Variants in OR4X2 observed in about 807,000 individuals in gnomAD.
OR4X2 encodes olfactory receptor family 4 subfamily X member 2.
For missense variants in OR4X2, 554 were observed against 359.5 expected, an observed-to-expected ratio of 1.54 and a Z score of -4.38; for synonymous variants, 205 against 136.6, an observed-to-expected ratio of 1.50 and a Z score of -3.49.
Position 48,245,929 on chromosome 11 carries a change from C to A in OR4X2, c.826C>A (p.Pro276Thr). The A allele has an allele frequency of 1.2e-6, 2 of 1,614,058 alleles. No homozygotes were observed. The highest frequency in any genetic ancestry group is 1.3e-5 in the African/African-American group (1 of 75,022). The change falls in exon 1 of 1, where the codon CCT (proline) becomes ACT (threonine). Residue 276 changes from proline to threonine, a missense_variant. Coordinates refer to ENST00000624868, the MANE Select transcript of OR4X2 (RefSeq NM_001004727.1). ...CACAGTGATAACCGCGATCCTGAAC[C>A]CTGTCATCTACTCTCTGAGAAATGC... ...FYTVITAILN[P>T]VIYSLRNAEM...
At position 48,245,732 on chromosome 11, in the gene OR4X2, A is replaced by G; in HGVS notation, c.629A>G (p.Tyr210Cys). 1.2e-6 allele frequency: 2 copies of G among 1,613,958 alleles called. No individual in the cohort carries two copies. Among genetic ancestry groups the G allele is most frequent in the Non-Finnish European group, 1.7e-6 (2 of 1,179,992 alleles). Reference protein sequence around the residue: ...VISFGVLLASYMVILLHLRTW... With the variant: ...VISFGVLLASCMVILLHLRTW... Reference sequence around the variant, plus strand: ...AGTTTTGGGGTCCTCTTAGCATCCTATATGGTCATCTTGCTCCATCTGAGA... The same window carrying G: ...AGTTTTGGGGTCCTCTTAGCATCCTGTATGGTCATCTTGCTCCATCTGAGA... Residue 210 changes from tyrosine to cysteine, a missense_variant, in exon 1 of 1, where the codon TAT becomes TGT. Coordinates refer to ENST00000624868, the MANE Select transcript of OR4X2 (RefSeq NM_001004727.1).
chr11:48,245,688 A>G lies in OR4X2; in HGVS notation c.585A>G (p.Gly195=), dbSNP rs1435864959. The change falls in exon 1 of 1, where the codon GGA becomes GGG. Residue 195 remains glycine (G), a synonymous_variant. Coordinates refer to ENST00000624868, the MANE Select transcript of OR4X2 (RefSeq NM_001004727.1). Reference sequence around the variant, plus strand: ...TTGGTCTGCTGATTGTTGCCAATGGAGGCACCCTGTCTGTGATCAGTTTTG... The same window carrying G: ...TTGGTCTGCTGATTGTTGCCAATGGGGGCACCCTGTCTGTGATCAGTTTTG... ...FLIGLLIVAN[G]GTLSVISFGV... 1 of 1,614,018 alleles carries G rather than the reference A, an allele frequency of 6.2e-7. No individual in the cohort carries two copies. The highest frequency in any genetic ancestry group is 1.7e-5 in the Admixed American group (1 of 60,010).
At position 48,245,645 on chromosome 11, in the gene OR4X2, G is replaced by T. The variant is rs771332756; in HGVS notation, c.542G>T (p.Cys181Phe). Residue 181 changes from cysteine (C) to phenylalanine (F), a missense_variant, in exon 1 of 1, where the codon TGC becomes TTC. By Grantham distance (205) the Cys-to-Phe change is radical (BLOSUM62 -2). Transcript: ENST00000624868. ...CTAGTTCCCCTTCTCAAACTTGCCTGCTCTGACACCTTCCTCATTGGTCTG... is the reference window on the plus strand; with the variant it reads ...CTAGTTCCCCTTCTCAAACTTGCCTTCTCTGACACCTTCCTCATTGGTCTG... ...CDLVPLLKLACSDTFLIGLLI... is the reference protein window; with the variant it reads ...CDLVPLLKLAFSDTFLIGLLI... The T allele has an allele frequency of 5.6e-6, 9 of 1,613,998 alleles. No homozygotes were observed. The highest frequency in any genetic ancestry group is 1.7e-5 in the Admixed American group (1 of 59,996).
chr11:48,245,221 A>G lies in OR4X2; in HGVS notation c.118A>G (p.Thr40Ala). 2 of 1,614,086 alleles carry G rather than the reference A, an allele frequency of 1.2e-6. No individual in the cohort carries two copies. The highest frequency in any genetic ancestry group is 1.7e-6 in the Non-Finnish European group (2 of 1,180,006). Residue 40 changes from threonine to alanine, a missense_variant, in exon 1 of 1, where the codon ACT becomes GCT. Thr to Ala is a moderately conservative substitution (Grantham distance 58). Transcript: ENST00000624868. The part of the protein sequence containing the change: ...IVLGNFLIVL[T>A]VMTSRSLGSP... ...GCTGGGGAATTTCCTCATTGTGCTC[A>G]CTGTCATGACCAGCAGAAGCCTTGG... is the stretch of plus-strand genomic sequence containing the variant.
At position 48,245,156 on chromosome 11, in the gene OR4X2, T is replaced by A. The variant is rs917208520; in HGVS notation, c.53T>A (p.Val18Asp). The change falls in exon 1 of 1, where the codon GTT becomes GAT. Residue 18 changes from valine (V) to aspartate (D), a missense_variant. Physicochemically the swap from Val to Asp is radical, Grantham distance 152. Transcript: ENST00000624868. The part of the protein sequence containing the change: ...VLSPNQEVQR[V>D]CFVIFLFLYT... ...TCTCCCAACCAGGAGGTGCAGAGGGTTTGCTTTGTGATATTTCTGTTCTTG... is the reference window on the plus strand; with the variant it reads ...TCTCCCAACCAGGAGGTGCAGAGGGATTGCTTTGTGATATTTCTGTTCTTG... 2 of 1,614,096 alleles carry A rather than the reference T, an allele frequency of 1.2e-6. No individual in the cohort carries two copies. Among genetic ancestry groups the A allele is most frequent in the South Asian group, 2.2e-5 (2 of 91,070 alleles).
Position 48,245,152 on chromosome 11 carries a change from A to G in OR4X2, c.49A>G (p.Arg17Gly). 6.2e-7 allele frequency: 1 copy of G among 1,614,072 alleles called. No homozygotes were observed. ...ACTTTCTCCCAACCAGGAGGTGCAG[A>G]GGGTTTGCTTTGTGATATTTCTGTT... ...LVLSPNQEVQRVCFVIFLFLY... is the reference protein window; with the variant it reads ...LVLSPNQEVQGVCFVIFLFLY... Residue 17 changes from arginine (R) to glycine (G), a missense_variant, in exon 1 of 1, where the codon AGG (arginine) becomes GGG (glycine). Coordinates refer to ENST00000624868, the MANE Select transcript of OR4X2 (RefSeq NM_001004727.1).
In OR4X2 at chr11:48,245,890, G is replaced by T. The variant is rs137858399; in HGVS notation, c.787G>T (p.Val263Leu). The T allele has an allele frequency of 1.3e-3, 2,072 of 1,614,118 alleles. 3 individuals carry two copies. The highest frequency in any genetic ancestry group is 1.5e-3 in the Non-Finnish European group (1,801 of 1,180,014). ...TACCACTCTGCCCATAGACAAGATG[G>T]TGGCTGTGTTCTACACAGTGATAAC... ...PSTTLPIDKM[V>L]AVFYTVITAI... is the part of the protein sequence containing the mutation. The change falls in exon 1 of 1, where the codon GTG (valine) becomes TTG (leucine). Residue 263 changes from valine to leucine, a missense_variant. Val to Leu is a conservative substitution (Grantham distance 32, BLOSUM62 1). Coordinates refer to ENST00000624868, the MANE Select transcript of OR4X2 (RefSeq NM_001004727.1).
At position 48,245,650 on chromosome 11, in the gene OR4X2, G is replaced by A; in HGVS notation, c.547G>A (p.Asp183Asn). 1 of 1,614,072 alleles carries A rather than the reference G, an allele frequency of 6.2e-7. No homozygotes were observed. The change falls in exon 1 of 1, where the codon GAC (aspartate) becomes AAC (asparagine). Residue 183 changes from aspartate (D) to asparagine (N), a missense_variant. Coordinates refer to ENST00000624868, the MANE Select transcript of OR4X2 (RefSeq NM_001004727.1). The part of the protein sequence containing the change: ...LVPLLKLACS[D>N]TFLIGLLIVA... ...TCCCCTTCTCAAACTTGCCTGCTCT[G>A]ACACCTTCCTCATTGGTCTGCTGAT...
In OR4X2 at chr11:48,245,812, G is replaced by A. The variant is rs765177147; in HGVS notation, c.709G>A (p.Ala237Thr). ...KALSTCGSHF[A>T]VVILFFGPCV... ...CCTCTCCACCTGTGGGTCCCATTTCGCTGTGGTTATCTTGTTCTTTGGGCC... is the reference window on the plus strand; with the variant it reads ...CCTCTCCACCTGTGGGTCCCATTTCACTGTGGTTATCTTGTTCTTTGGGCC... Residue 237 changes from alanine (A) to threonine (T), a missense_variant, in exon 1 of 1, where the codon GCT becomes ACT. Transcript: ENST00000624868. The A allele has an allele frequency of 1.4e-5, 22 of 1,613,906 alleles. No homozygotes were observed. The highest frequency in any genetic ancestry group is 4.0e-5 in the African/African-American group (3 of 74,896).
Position 48,245,312 on chromosome 11 carries a change from C to G in OR4X2, c.209C>G (p.Ala70Gly), listed in dbSNP as rs772724688. 6.2e-7 allele frequency: 1 copy of G among 1,614,008 alleles called. No homozygotes were observed. Among genetic ancestry groups the G allele is most frequent in the Non-Finnish European group, 8.5e-7 (1 of 1,180,030 alleles). The change falls in exon 1 of 1, where the codon GCC becomes GGC. Residue 70 changes from alanine to glycine, a missense_variant. Ala to Gly is a moderately conservative substitution (Grantham distance 60, BLOSUM62 0). Coordinates refer to ENST00000624868, the MANE Select transcript of OR4X2 (RefSeq NM_001004727.1). ...FMEICYSSAT[A>G]PKLISDLLAE... is the part of the protein sequence containing the mutation. ...GAGATCTGCTACTCCTCCGCTACAG[C>G]CCCCAAACTCATCTCAGATCTGCTG...
In OR4X2 at chr11:48,245,370, CA is replaced by C; in HGVS notation, c.268del (p.Met90TrpfsTer20). On this transcript the variant is annotated frameshift_variant, in exon 1 of 1. Transcript: ENST00000624868. LOFTEE classifies it low-confidence loss of function (END_TRUNC). The stretch of plus-strand genomic sequence containing the variant: ...GGAAAGTCATATCTTGGTGGGGCTG[CA>C]TGGCACAGCTTTTCTTCTTGCACTT... The part of the protein sequence containing the change: ...ERKVISWWGC[M>X]AQLFFLHFFG... 6.2e-7 allele frequency: 1 copy of C among 1,614,160 alleles called. No individual in the cohort carries two copies. The highest frequency in any genetic ancestry group is 8.5e-7 in the Non-Finnish European group (1 of 1,180,018).
At position 48,245,110 on chromosome 11, in the gene OR4X2, G is replaced by A. The variant is rs1565358402; in HGVS notation, c.7G>A (p.Glu3Lys). ...CTTGGCTAACATACACAACATGACT[G>A]AATTCATTTTTCTGGTACTTTCTCC... MT[E>K]FIFLVLSPNQ... is the part of the protein sequence containing the mutation. Residue 3 changes from glutamate to lysine, a missense_variant, in exon 1 of 1, where the codon GAA (glutamate) becomes AAA (lysine). Physicochemically the swap from Glu to Lys is moderately conservative, Grantham distance 56. Coordinates refer to ENST00000624868, the MANE Select transcript of OR4X2 (RefSeq NM_001004727.1). 6.2e-7 allele frequency: 1 copy of A among 1,611,430 alleles called. No individual in the cohort carries two copies. Among genetic ancestry groups the A allele is most frequent in the Non-Finnish European group, 8.5e-7 (1 of 1,178,440 alleles).
In OR4X2 at chr11:48,245,409, T is replaced by G. The variant is rs768344181; in HGVS notation, c.306T>G (p.Thr102=). ...QLFFLHFFGG[T]EIFLLTVMAY... is the part of the protein sequence containing the mutation. Reference sequence around the variant, plus strand: ...TCTTCTTGCACTTCTTTGGTGGCACTGAGATTTTCCTGCTCACTGTGATGG... The same window carrying G: ...TCTTCTTGCACTTCTTTGGTGGCACGGAGATTTTCCTGCTCACTGTGATGG... Residue 102 remains threonine (T), a synonymous_variant, in exon 1 of 1, where the codon ACT becomes ACG. Transcript: ENST00000624868. The G allele has an allele frequency of 5.6e-6, 9 of 1,614,064 alleles. No individual in the cohort carries two copies. Among genetic ancestry groups the G allele is most frequent in the Non-Finnish European group, 7.6e-6 (9 of 1,179,932 alleles).
In OR4X2 at chr11:48,245,128, C is replaced by A. The variant is rs762962985; in HGVS notation, c.25C>A (p.Leu9Ile). 6.2e-7 allele frequency: 1 copy of A among 1,612,976 alleles called. No homozygotes were observed. Among genetic ancestry groups the A allele is most frequent in the Non-Finnish European group, 8.5e-7 (1 of 1,179,406 alleles). ...CATGACTGAATTCATTTTTCTGGTA[C>A]TTTCTCCCAACCAGGAGGTGCAGAG... MTEFIFLV[L>I]SPNQEVQRVC... The change falls in exon 1 of 1, where the codon CTT (leucine) becomes ATT (isoleucine). Residue 9 changes from leucine to isoleucine, a missense_variant. Physicochemically the swap from Leu to Ile is conservative, Grantham distance 5. Coordinates refer to ENST00000624868, the MANE Select transcript of OR4X2 (RefSeq NM_001004727.1).
At position 48,245,814 on chromosome 11, in the gene OR4X2, T is replaced by A; in HGVS notation, c.711T>A (p.Ala237=). 6.2e-7 allele frequency: 1 copy of A among 1,614,090 alleles called. No individual in the cohort carries two copies. ...KALSTCGSHF[A]VVILFFGPCV... ...TCTCCACCTGTGGGTCCCATTTCGC[T>A]GTGGTTATCTTGTTCTTTGGGCCCT... The change falls in exon 1 of 1, where the codon GCT becomes GCA. Residue 237 remains alanine, a synonymous_variant. Coordinates refer to ENST00000624868, the MANE Select transcript of OR4X2 (RefSeq NM_001004727.1).
Position 48,245,281 on chromosome 11 carries a change from T to G in OR4X2, c.178T>G (p.Phe60Val), listed in dbSNP as rs1171724155. ...PMYFFLSYLS[F>V]MEICYSSATA... ...GTACTTCTTCCTCAGCTACCTCTCCTTCATGGAGATCTGCTACTCCTCCGC... is the reference window on the plus strand; with the variant it reads ...GTACTTCTTCCTCAGCTACCTCTCCGTCATGGAGATCTGCTACTCCTCCGC... Residue 60 changes from phenylalanine to valine, a missense_variant, in exon 1 of 1, where the codon TTC becomes GTC. Transcript: ENST00000624868. 2 of 1,614,100 alleles carry G rather than the reference T, an allele frequency of 1.2e-6. No homozygotes were observed. Among genetic ancestry groups the G allele is most frequent in the Non-Finnish European group, 8.5e-7 (1 of 1,179,998 alleles).
Position 48,245,876 on chromosome 11 carries a change from C to A in OR4X2, c.773C>A (p.Pro258His). 1 of 1,614,058 alleles carries A rather than the reference C, an allele frequency of 6.2e-7. No homozygotes were observed. Among genetic ancestry groups the A allele is most frequent in the Non-Finnish European group, 8.5e-7 (1 of 1,180,018 alleles). The change falls in exon 1 of 1, where the codon CCC becomes CAC. Residue 258 changes from proline (P) to histidine (H), a missense_variant. Coordinates refer to ENST00000624868, the MANE Select transcript of OR4X2 (RefSeq NM_001004727.1). ...FNSLRPSTTL[P>H]IDKMVAVFYT... is the part of the protein sequence containing the mutation. ...TCTCTGAGGCCTTCTACCACTCTGC[C>A]CATAGACAAGATGGTGGCTGTGTTC...
At position 48,245,153 on chromosome 11, in the gene OR4X2, G is replaced by A. The variant is rs746420613; in HGVS notation, c.50G>A (p.Arg17Lys). The A allele has an allele frequency of 6.2e-7, 1 of 1,614,094 alleles. No homozygotes were observed. Among genetic ancestry groups the A allele is most frequent in the Non-Finnish European group, 8.5e-7 (1 of 1,179,982 alleles). ...LVLSPNQEVQ[R>K]VCFVIFLFLY... ...CTTTCTCCCAACCAGGAGGTGCAGA[G>A]GGTTTGCTTTGTGATATTTCTGTTC... Residue 17 changes from arginine to lysine, a missense_variant, in exon 1 of 1, where the codon AGG becomes AAG. Transcript: ENST00000624868.
In OR4X2 at chr11:48,245,528, T is replaced by C. The variant is rs777689717; in HGVS notation, c.425T>C (p.Val142Ala). 1.9e-6 allele frequency: 3 copies of C among 1,613,966 alleles called. No homozygotes were observed. In the African/African-American group the frequency reaches 4.0e-5, roughly 22 times the overall value. The change falls in exon 1 of 1, where the codon GTG (valine) becomes GCG (alanine). Residue 142 changes from valine to alanine, a missense_variant. Transcript: ENST00000624868. ...VCTVLVGIAW[V>A]GGFMHSFAQI... ...ACTGTCCTTGTAGGAATAGCATGGG[T>C]GGGAGGCTTCATGCATTCCTTTGCA...
Sources: gnomAD v4.1 joint callset for allele counts on GRCh38, gnomAD v4.1.1 for gene constraint, MANE v1.5 for transcripts, NCBI Gene and HGNC (gene_info 2026-07-23, HGNC 2026-07-21) for gene names.